Variants in UBN2 observed in about 807,000 individuals in gnomAD.
The protein encoded by UBN2 is ubinuclein 2.
Under a neutral mutation model 120.2 loss-of-function variants are expected in UBN2, and 35 were observed. The ratio of observed to expected loss-of-function variants is 0.29; its 90% CI spans 0.22 to 0.39. The LOEUF is 0.39. Ranked by LOEUF, UBN2 falls within the 10% of genes least tolerant of loss-of-function variation. The pLI, the probability that UBN2 is intolerant of heterozygous loss-of-function variation, is 1.00. For missense variants in UBN2, 1,693 were observed against 1,663.2 expected (o/e 1.02, Z -0.31); for synonymous variants, 661 against 648.7 (o/e 1.02, Z -0.29).
At chr7:139,240,429 A>AATATATATATAT (rs201805771) in intron 2 of UBN2, among the ~76,000 whole-genome samples, 2 of 133,226 alleles carry the variant, frequency 1.5e-5, no homozygotes, top group African/African-American at 5.7e-5. Context: ...ACCCAGCCTA[A>AATATATATATAT]ATATATATAT....
intron 5 of UBN2, among the ~76,000 whole-genome samples, chr7:139,261,006 A>C (rs930172508): frequency 6.6e-6 from 1 of 152,216 alleles, no homozygotes; most frequent in African/African-American, 2.4e-5. Context: ...GGAGGAAGTA[A>C]TAGCTAAACT....
At chr7:139,294,347 C>A (rs1261572922) in intron 17 of UBN2, among the ~76,000 whole-genome samples, 2 of 152,210 alleles carry the variant, frequency 1.3e-5, no homozygotes, top group African/African-American at 4.8e-5. Context: ...TTAATCCTTA[C>A]AGCAAGCCCC....
At chr7:139,328,500 AG>A in the UBN2 span, among the ~76,000 whole-genome samples, 1 of 152,236 alleles carries the variant, frequency 6.6e-6, no homozygotes, top group Non-Finnish European at 1.5e-5. Flanking sequence ...AAACCCTGAC[AG>A]GGACCTCGGA....
At chr7:139,291,681 TA>T (rs1273352827) in intron 15 of UBN2, among the ~76,000 whole-genome samples, 1 of 151,808 alleles carries the variant, frequency 6.6e-6, no homozygotes, top group Non-Finnish European at 1.5e-5. Context: ...ACCCCATCTC[TA>T]CAAAAACATA....
At chr7:139,295,704 G>T (rs906827944) in intron 17 of UBN2, among the ~76,000 whole-genome samples, 1 of 152,212 alleles carries the variant, frequency 6.6e-6, no homozygotes, top group East Asian at 1.9e-4. Flanking sequence ...CGGATGGCTT[G>T]AGTCCAGGAG....
At chr7:139,246,942 C>T (rs911421190) in intron 2 of UBN2, among the ~76,000 whole-genome samples, 18 of 152,062 alleles carry the variant, frequency 1.2e-4, no homozygotes, top group African/African-American at 3.6e-4. Flanking sequence ...TATGTTCCAC[C>T]GTTGTTTATC....
Position 139,300,564 on chromosome 7 carries a change from A to T in UBN2, c.*2728A>T, listed in dbSNP as rs1024481223. 5 of 152,218 alleles carry T rather than the reference A, an allele frequency of 3.3e-5. No individual in the cohort carries two copies. The highest frequency in any genetic ancestry group is 1.3e-4 in the Admixed American group (2 of 15,274). The allele number at this position is 152,218 out of a possible 1,614,324, so 9.4% of individuals were successfully genotyped here. On this transcript the variant is annotated 3_prime_UTR_variant, in exon 18 of 18. Transcript: ENST00000473989. ...TAAAAATCAAATTATGTTATTTTTT[A>T]AAATGGTGAGTCATTGGAAAGGATA...
At chr7:139,257,618 A>G (rs953734314) in intron 3 of UBN2, among the ~76,000 whole-genome samples, 9 of 151,948 alleles carry the variant, frequency 5.9e-5, no homozygotes, top group African/African-American at 1.5e-4. Context: ...GGGTTTCACT[A>G]TGTTGGCCAG....
At chr7:139,259,732 T>G (rs958850466) in intron 5 of UBN2, among the ~76,000 whole-genome samples, 9 of 152,166 alleles carry the variant, frequency 5.9e-5, no homozygotes, top group African/African-American at 2.2e-4. Context: ...AATTTATGGT[T>G]GTTTTAATAT....
At chr7:139,294,055 CAA>C in intron 17 of UBN2, 74 bp downstream of exon 17, 2 of 1,457,596 alleles carry the variant, frequency 1.4e-6, no homozygotes, top group Admixed American at 1.8e-5. Context: ...TTTCTGAAAA[CAA>C]TGTGAATGGA....
intron 2 of UBN2, among the ~76,000 whole-genome samples, chr7:139,251,294 T>TG: frequency 6.6e-6 from 1 of 152,362 alleles, no homozygotes; most frequent in South Asian, 2.1e-4. Flanking sequence ...GTTGACATCT[T>TG]GCAATGTTGT....
intron 11 of UBN2, among the ~76,000 whole-genome samples, chr7:139,274,523 G>T (rs1418748327): frequency 6.6e-6 from 1 of 152,038 alleles, no homozygotes; most frequent in Non-Finnish European, 1.5e-5. Context: ...AGCACTTTGG[G>T]AGGCCAAGGC....
chr7:139,248,068 TGTTTTA>T (rs1257148553), intron 2 of UBN2, among the ~76,000 whole-genome samples: 7 of 152,294 alleles, frequency 4.6e-5, no homozygotes, highest in Admixed American at 3.3e-4. Context: ...TAGATCATCT[TGTTTTA>T]AGTTACTTGA....
intron 13 of UBN2, among the ~76,000 whole-genome samples, chr7:139,280,599 G>C (rs1248469839): frequency 6.6e-6 from 1 of 151,938 alleles, no homozygotes; most frequent in Non-Finnish European, 1.5e-5. Flanking sequence ...TGACTTTTTT[G>C]GTGTTAGAGC....
At chr7:139,325,613 CAG>C in the UBN2 span, among the ~76,000 whole-genome samples, 1 of 152,136 alleles carries the variant, frequency 6.6e-6, no homozygotes, top group African/African-American at 2.4e-5. Context: ...TCACACTCGA[CAG>C]AAGTGCATGC....
chr7:139,292,060 G>T (rs977996954), intron 15 of UBN2, among the ~76,000 whole-genome samples: 1 of 152,046 alleles, frequency 6.6e-6, no homozygotes, highest in Non-Finnish European at 1.5e-5. Flanking sequence ...AGCCTAGCCT[G>T]GGCAACATGG....
intron 4 of UBN2, 144 bp from the exon 5 acceptor site, chr7:139,259,123 T>C (rs1048188570): frequency 5.2e-5 from 66 of 1,274,624 alleles, no homozygotes; most frequent in Non-Finnish European, 7.0e-5. Context: ...AGAGTGCTCT[T>C]GAACCCCAAG....
chr7:139,317,988 T>C, the UBN2 span, among the ~76,000 whole-genome samples: 1 of 152,128 alleles, frequency 6.6e-6, no homozygotes, highest in Non-Finnish European at 1.5e-5. Flanking sequence ...TTATCCACTT[T>C]CCTGAGTTTG....
At chr7:139,249,046 G>T (rs1434949628) in intron 2 of UBN2, among the ~76,000 whole-genome samples, 1 of 151,440 alleles carries the variant, frequency 6.6e-6, no homozygotes, top group Non-Finnish European at 1.5e-5. Flanking sequence ...ATGCATGTAT[G>T]CATGTTGTTT....
Sources: gnomAD v4.1 joint callset for allele counts (sites outside exome capture counted in the v4.1 genomes callset) on GRCh38, gnomAD v4.1.1 for gene constraint, MANE v1.5 for transcripts, NCBI Gene and HGNC (gene_info 2026-07-23, HGNC 2026-07-21) for gene names.